Variants in RABGAP1L observed in about 807,000 individuals in gnomAD.
RABGAP1L encodes rab GTPase-activating protein 1-like.
In RABGAP1L, 63 loss-of-function variants were observed where a neutral mutation model predicts 137.7. That is an observed-to-expected ratio of 0.46 (90% CI 0.37 to 0.56). The LOEUF is 0.56. Ranked by LOEUF, RABGAP1L falls within the 20% of genes least tolerant of loss-of-function variation. The pLI is 0.00. For synonymous variants in RABGAP1L, 431 were observed against 433.7 expected (o/e 0.99, Z 0.08); for missense variants, 1,095 against 1,244.0 (o/e 0.88, Z 1.80).
chr1:174,416,848 T>C (rs1650655108), intron 13 of RABGAP1L, among the ~76,000 whole-genome samples: 2 of 152,090 alleles, frequency 1.3e-5, no homozygotes, highest in Non-Finnish European at 2.9e-5. Flanking sequence ...CCAGGCTGCT[T>C]TGTGTTTGTA....
chr1:174,652,059 T>G (rs891902499), intron 14 of RABGAP1L, among the ~76,000 whole-genome samples: 2 of 152,222 alleles, frequency 1.3e-5, no homozygotes, highest in Non-Finnish European at 2.9e-5. Flanking sequence ...AGCATTTGTT[T>G]GTCTGTAAAG....
intron 6 of RABGAP1L, among the ~76,000 whole-genome samples, chr1:174,252,182 A>G (rs1435173653): frequency 6.6e-6 from 1 of 152,224 alleles, no homozygotes; most frequent in Non-Finnish European, 1.5e-5. Flanking sequence ...GGCGTAAGCC[A>G]CCGTGCTTGG....
At chr1:174,612,214 T>C (rs1409664477) in intron 13 of RABGAP1L, among the ~76,000 whole-genome samples, 1 of 152,228 alleles carries the variant, frequency 6.6e-6, no homozygotes, top group African/African-American at 2.4e-5. Context: ...GCTCTTATTA[T>C]TTTGAGATAT....
At chr1:174,578,298 C>T (rs1668513816) in intron 13 of RABGAP1L, among the ~76,000 whole-genome samples, 1 of 152,156 alleles carries the variant, frequency 6.6e-6, no homozygotes, top group Admixed American at 6.5e-5. Context: ...AGTCCTCCTG[C>T]CTCAGCTTCC....
chr1:174,343,037 C>A (rs757643134), intron 11 of RABGAP1L, among the ~76,000 whole-genome samples: 1 of 151,550 alleles, frequency 6.6e-6, no homozygotes, highest in South Asian at 2.1e-4. Flanking sequence ...CTGCACCTAG[C>A]CAGAAATTTT....
intron 13 of RABGAP1L, among the ~76,000 whole-genome samples, chr1:174,497,239 T>A (rs7521870): frequency 0.5 from 75,872 of 152,058 alleles, 21,512 homozygotes; most frequent in African/African-American, 0.79. Context: ...CCATATCACA[T>A]TAACTTAAAT....
chr1:174,195,622 TTC>T (rs1667538698), intron 1 of RABGAP1L, among the ~76,000 whole-genome samples: 24 of 82,574 alleles, frequency 2.9e-4, no homozygotes, highest in African/African-American at 1.1e-3. Context: ...TCTTTCTTCC[TTC>T]CTTCCTTCCT....
intron 19 of RABGAP1L, among the ~76,000 whole-genome samples, chr1:174,949,560 T>G (rs1667412829): frequency 6.6e-6 from 1 of 151,884 alleles, no homozygotes. Context: ...AAATTGGGGG[T>G]AGAAGGTGGG....
intron 13 of RABGAP1L, among the ~76,000 whole-genome samples, chr1:174,617,465 A>G (rs1487265058): frequency 1.3e-5 from 2 of 152,228 alleles, no homozygotes; most frequent in African/African-American, 4.8e-5. Flanking sequence ...TTTATAATTG[A>G]GAACTAGAAC....
At chr1:174,710,839 A>G (rs1393475810) in intron 17 of RABGAP1L, among the ~76,000 whole-genome samples, 2 of 152,258 alleles carry the variant, frequency 1.3e-5, no homozygotes, top group African/African-American at 4.8e-5. Flanking sequence ...TTAAATGTAA[A>G]TAGGCTAAAT....
In RABGAP1L at chr1:174,481,883, AAAAAAAAAAG is replaced by A. The variant is rs1196375275; in HGVS notation, c.1710+87758_1710+87767del. On this transcript the variant is annotated intron_variant, in intron 13 of 25. Transcript: ENST00000681986. ...AAAACTTAAAGTATAATAAAAAATA[AAAAAAAAAAG>A]AAAAAAAAAGAAAAAAAAAAGAAAC... 3.4e-3 allele frequency among the ~76,000 whole-genome samples: 480 copies of A among 142,986 alleles called. 2 individuals carry two copies. The highest frequency in any genetic ancestry group is 5.5e-3 in the Non-Finnish European group (372 of 67,168). 93.8% of individuals were successfully genotyped at this position (142,986 alleles called of 152,430 possible).
chr1:174,640,974 TA>T lies in RABGAP1L; in HGVS notation c.1824+3488del, dbSNP rs895898013. ...TATAATATATTATATTTAATTATAT[TA>T]ATTAAATATAATTTTAGATTATATT... On this transcript the variant is annotated intron_variant, in intron 14 of 25. Coordinates refer to ENST00000681986, the MANE Select transcript of RABGAP1L (RefSeq NM_001366446.1). 1.7e-3 allele frequency among the ~76,000 whole-genome samples: 148 copies of T among 86,316 alleles called. 1 individual carries two copies. Among genetic ancestry groups the T allele is most frequent in the Non-Finnish European group, 2.4e-3 (121 of 49,502 alleles). The allele number at this position is 86,316 out of a possible 152,430, so 56.6% of individuals were successfully genotyped here.
At position 174,219,277 on chromosome 1, in the gene RABGAP1L, A is replaced by G; in HGVS notation, c.120A>G (p.Glu40=). The G allele has an allele frequency of 6.4e-7, 1 of 1,572,320 alleles. No individual in the cohort carries two copies. The highest frequency in any genetic ancestry group is 8.6e-7 in the Non-Finnish European group (1 of 1,158,994). ...CAGATGATAATTCTACAAAACATGA[A>G]GAAAAACCTCAACTGAAGGTATTTT... ...QYADDNSTKH[E]EKPQLKIVSN... Residue 40 remains glutamate (E), a synonymous_variant, in exon 2 of 26, where the codon GAA becomes GAG. Coordinates refer to ENST00000681986, the MANE Select transcript of RABGAP1L (RefSeq NM_001366446.1).
intron 19 of RABGAP1L, chr1:174,892,670 C>T: frequency 1.9e-6 from 1 of 533,094 alleles, no homozygotes; most frequent in Non-Finnish European, 3.7e-6. Flanking sequence ...TTGGGATGGT[C>T]CATCACTTGC....
Position 174,982,897 on chromosome 1 carries a change from G to A in RABGAP1L, c.2797G>A (p.Val933Met). 1.3e-6 allele frequency: 2 copies of A among 1,550,472 alleles called. No homozygotes were observed. Among genetic ancestry groups the A allele is most frequent in the Non-Finnish European group, 1.7e-6 (2 of 1,146,910 alleles). Residue 933 changes from valine (V) to methionine (M), a missense_variant, in exon 24 of 26, where the codon GTG becomes ATG. By Grantham distance (21) the Val-to-Met change is conservative (BLOSUM62 1). Coordinates refer to ENST00000681986, the MANE Select transcript of RABGAP1L (RefSeq NM_001366446.1). ...QQAASKEELE[V>M]VKGKMMACKH... ...AGCAGCCAGCAAGGAGGAGCTGGAAGTGGTAAAGGTAAGGAGTGAAATCGT... is the reference window on the plus strand; with the variant it reads ...AGCAGCCAGCAAGGAGGAGCTGGAAATGGTAAAGGTAAGGAGTGAAATCGT...
chr1:174,447,686 G>A (rs1196239114), intron 13 of RABGAP1L, among the ~76,000 whole-genome samples: 1 of 152,098 alleles, frequency 6.6e-6, no homozygotes, highest in African/African-American at 2.4e-5. Flanking sequence ...TAGGAGAACA[G>A]CCCACAGAAG....
chr1:174,186,132 G>A (rs1243917260), intron 1 of RABGAP1L, among the ~76,000 whole-genome samples: 5 of 133,804 alleles, frequency 3.7e-5, no homozygotes, highest in African/African-American at 8.4e-5. Context: ...CAACAAGAGC[G>A]AAATTCCATC....
intron 19 of RABGAP1L, among the ~76,000 whole-genome samples, chr1:174,919,946 G>A (rs1427134302): frequency 6.6e-6 from 1 of 152,214 alleles, no homozygotes; most frequent in Non-Finnish European, 1.5e-5. Flanking sequence ...GGGGTCACCA[G>A]GAACTTAAAA....
intron 13 of RABGAP1L, among the ~76,000 whole-genome samples, chr1:174,487,798 C>T (rs1211251275): frequency 1.3e-5 from 2 of 151,696 alleles, no homozygotes; most frequent in Non-Finnish European, 2.9e-5. Flanking sequence ...TGTATGTTTT[C>T]TGATTTGAGG....
Sources: gnomAD v4.1 joint callset for allele counts (sites outside exome capture counted in the v4.1 genomes callset) on GRCh38, gnomAD v4.1.1 for gene constraint, MANE v1.5 for transcripts, NCBI Gene and HGNC (gene_info 2026-07-23, HGNC 2026-07-21) for gene names.